RIPOR2: variants seen among roughly 807,000 people sequenced by gnomAD.
RIPOR2 encodes RHO family interacting cell polarization regulator 2, also known as rho family-interacting cell polarization regulator 2.
A neutral mutation model predicts 114.5 loss-of-function variants in RIPOR2; 39 were observed. That is an observed-to-expected ratio of 0.34 (90% CI 0.26 to 0.44). The LOEUF is 0.44. RIPOR2 is among the 20% of genes least tolerant of loss of function. The pLI is 1.00. For synonymous variants in RIPOR2, 445 were observed against 484.4 expected, an observed-to-expected ratio of 0.92 and a Z score of 1.07; for missense variants, 1,007 against 1,255.1, an observed-to-expected ratio of 0.80 and a Z score of 2.99.
intron 1 of RIPOR2, among the ~76,000 whole-genome samples, chr6:24,973,447 CA>C (rs567489823): frequency 2.0e-5 from 3 of 150,538 alleles, no homozygotes; most frequent in African/African-American, 7.3e-5. Flanking sequence ...ACTAAAAATA[CA>C]AAAAAAAATT....
intron 1 of RIPOR2, among the ~76,000 whole-genome samples, chr6:25,000,443 T>C (rs1354961585): frequency 1.3e-5 from 2 of 152,212 alleles, no homozygotes; most frequent in South Asian, 2.1e-4. Flanking sequence ...CCCTGACACA[T>C]AGTAAGTGCT....
At chr6:24,918,335 T>C (rs1770241645) in intron 1 of RIPOR2, among the ~76,000 whole-genome samples, 1 of 152,260 alleles carries the variant, frequency 6.6e-6, no homozygotes, top group Admixed American at 6.5e-5. Context: ...AAATTTAAAG[T>C]ATCTGCTTTT....
At chr6:24,940,473 G>A (rs953727959), upstream of RIPOR2, among the ~76,000 whole-genome samples, 2 of 152,138 alleles carry the variant, frequency 1.3e-5, no homozygotes, top group African/African-American at 4.8e-5. Flanking sequence ...AAGTAGGAGA[G>A]AGGAATTGAA....
chr6:24,945,493 A>G (rs1489622587), intron 1 of RIPOR2, among the ~76,000 whole-genome samples: 1 of 152,146 alleles, frequency 6.6e-6, no homozygotes, highest in Non-Finnish European at 1.5e-5. Context: ...CTTGTTTGTA[A>G]CTCTTTTCCC....
chr6:24,914,566 T>G (rs963682290), intron 1 of RIPOR2, among the ~76,000 whole-genome samples: 1 of 152,194 alleles, frequency 6.6e-6, no homozygotes, highest in African/African-American at 2.4e-5. Flanking sequence ...GAACTGTGAT[T>G]ATTTTTTATA....
At chr6:24,809,944 C>A in intron 20 of RIPOR2, 137 bp from the exon 21 acceptor site, 1 of 643,484 alleles carries the variant, frequency 1.6e-6, no homozygotes, top group South Asian at 1.8e-5. Context: ...AATCATAGCT[C>A]ACTGCAGCCT....
At chr6:24,956,381 G>T (rs1182993996) in intron 1 of RIPOR2, among the ~76,000 whole-genome samples, 1 of 152,072 alleles carries the variant, frequency 6.6e-6, no homozygotes, top group Non-Finnish European at 1.5e-5. Context: ...AGCAGTGTAT[G>T]CTTATTGTGA....
intron 1 of RIPOR2, among the ~76,000 whole-genome samples, chr6:24,878,349 A>G (rs1207381161): frequency 6.6e-6 from 1 of 152,128 alleles, no homozygotes; most frequent in Non-Finnish European, 1.5e-5. Context: ...ATAAACTATC[A>G]TGCTTTCTTA....
intron 1 of RIPOR2, among the ~76,000 whole-genome samples, chr6:24,993,925 A>C (rs930347770): frequency 2.0e-5 from 3 of 152,230 alleles, no homozygotes; most frequent in African/African-American, 7.2e-5. Context: ...ATTTGGTATC[A>C]TTTTTAAAAT....
Position 24,843,204 on chromosome 6 carries a change from A to G in RIPOR2, c.1515T>C (p.Ala505=). 6.2e-7 allele frequency: 1 copy of G among 1,614,038 alleles called. No individual in the cohort carries two copies. Among genetic ancestry groups the G allele is most frequent in the Non-Finnish European group, 8.5e-7 (1 of 1,179,888 alleles). Reference sequence around the variant, plus strand: ...TCTCAAGGAACAGGTGCTCAGCCCCAGCACCTGAGGACTGTCGGCGGCAAG... The same window carrying G: ...TCTCAAGGAACAGGTGCTCAGCCCCGGCACCTGAGGACTGTCGGCGGCAAG... ...SEACRRQSSG[A]GAEHLFLEND... Residue 505 remains alanine (A), a synonymous_variant, in exon 13 of 22, where the codon GCT becomes GCC. Coordinates refer to ENST00000643898, the MANE Select transcript of RIPOR2 (RefSeq NM_001286445.3).
At chr6:25,027,573 C>T (rs1776690719) in intron 1 of RIPOR2, among the ~76,000 whole-genome samples, 1 of 152,252 alleles carries the variant, frequency 6.6e-6, no homozygotes, top group African/African-American at 2.4e-5. Flanking sequence ...GCAGGTGGCA[C>T]ACTCCGAGCA....
intron 1 of RIPOR2, among the ~76,000 whole-genome samples, chr6:24,993,884 G>A (rs777452937): frequency 1.3e-4 from 20 of 152,190 alleles, no homozygotes; most frequent in Non-Finnish European, 2.4e-4. Flanking sequence ...ACTCCTGAGA[G>A]CAATTCTGCT....
Position 24,849,666 on chromosome 6 carries a change from G to A in RIPOR2, c.1034+136C>T, listed in dbSNP as rs561672211. 165 of 755,340 alleles carry A rather than the reference G, an allele frequency of 2.2e-4. No homozygotes were observed. The African/African-American group carries it at 2.3e-3, about 11-fold the overall frequency. The allele number at this position is 755,340 out of a possible 1,614,324, so 46.8% of individuals were successfully genotyped here. ...GGGCCTGAGCAATTCTGACACAGTA[G>A]TCCTGGGGTGGGGCCCGAGATTCTG... On this transcript the variant is annotated intron_variant, in intron 11 of 21. Coordinates refer to ENST00000643898, the MANE Select transcript of RIPOR2 (RefSeq NM_001286445.3).
chr6:25,005,738 T>TATATATATATATATATACACAC lies in RIPOR2; in HGVS notation c.76+36112_76+36113insGTGTGTATATATATATATATAT, dbSNP rs34572978. 3.1e-4 allele frequency among the ~76,000 whole-genome samples: 22 copies of TATATATATATATATATACACAC among 70,700 alleles called. 1 individual carries two copies. The highest frequency in any genetic ancestry group is 7.3e-4 in the Non-Finnish European group (22 of 30,024). The allele number at this position is 70,700 out of a possible 152,430, so 46.4% of individuals were successfully genotyped here. ...ATATATATATATATATATATATATA[T>TATATATATATATATATACACAC]ATACATTTACCGATCAAAAGATATG... On this transcript the variant is annotated intron_variant, in intron 1 of 13. Coordinates refer to the RIPOR2 transcript ENST00000510784.
At chr6:24,939,267 G>A (rs1437067495), upstream of RIPOR2, among the ~76,000 whole-genome samples, 1 of 152,164 alleles carries the variant, frequency 6.6e-6, no homozygotes, top group African/African-American at 2.4e-5. Context: ...CTAAAAGAAT[G>A]CTGAGCTTAT....
At chr6:24,938,777 G>A (rs974572056), upstream of RIPOR2, among the ~76,000 whole-genome samples, 1 of 152,058 alleles carries the variant, frequency 6.6e-6, no homozygotes, top group Non-Finnish European at 1.5e-5. Flanking sequence ...ATGCTACCAC[G>A]AACTCCTTGA....
intron 11 of RIPOR2, 56 bp from the exon 12 acceptor site, chr6:24,848,210 C>T (rs1762515202): frequency 1.9e-6 from 3 of 1,583,342 alleles, no homozygotes; most frequent in Non-Finnish European, 1.7e-6. Flanking sequence ...CTATCATCAA[C>T]AGACCACAGG....
Position 24,929,782 on chromosome 6 carries a change from A to G in RIPOR2, c.61+6056T>C, listed in dbSNP as rs150731333. ...TGACATTTGCTTAGCACAATAAAAT[A>G]TAGAAGGCAGGCTGAGCATGGTGGC... On this transcript the variant is annotated intron_variant, in intron 1 of 21. Transcript: ENST00000643898. 3.1e-3 allele frequency among the ~76,000 whole-genome samples: 479 copies of G among 152,322 alleles called. 4 individuals carry two copies. Among genetic ancestry groups the G allele is most frequent in the African/African-American group, 0.011 (439 of 41,564 alleles).
chr6:24,818,580 G>C lies in RIPOR2; in HGVS notation c.2914C>G (p.Leu972Val). 6.4e-7 allele frequency: 1 copy of C among 1,550,566 alleles called. No homozygotes were observed. Among genetic ancestry groups the C allele is most frequent in the Non-Finnish European group, 8.7e-7 (1 of 1,146,208 alleles). ...CEALTKTNLQ[L>V]QKAACLALKI... ...AGAGCCAGGCAAGCTGCTTTCTGGA[G>C]CTGGAGGTTTGTCTTTGTTAGTGCT... The change falls in exon 20 of 22, where the codon CTC becomes GTC. Residue 972 changes from leucine to valine, a missense_variant. Leu to Val is a conservative substitution (Grantham distance 32). Transcript: ENST00000643898.
Sources: allele counts gnomAD v4.1 joint callset (sites outside exome capture counted in the v4.1 genomes callset), GRCh38; gene constraint gnomAD v4.1.1; transcripts MANE v1.5; gene names NCBI Gene and HGNC (gene_info 2026-07-23, HGNC 2026-07-21).